Variants in RAI1 observed in about 807,000 individuals in gnomAD.
RAI1 encodes retinoic acid-induced protein 1.
A neutral mutation model predicts 123.8 loss-of-function variants in RAI1; 9 were observed. The observed-to-expected ratio is 0.07, with a 90% CI of 0.04 to 0.13. The LOEUF (loss-of-function observed/expected upper bound fraction) is 0.13. RAI1 is among the 10% of genes least tolerant of loss of function. RAI1 has a pLI of 1.00. For missense variants in RAI1, 2,256 were observed against 2,545.8 expected (o/e 0.89, Z 2.45); for synonymous variants, 1,231 against 1,127.3 (o/e 1.09, Z -1.84).
chr17:17,691,933 C>A (rs1241750188), intron 1 of RAI1, among the ~76,000 whole-genome samples: 1 of 152,172 alleles, frequency 6.6e-6, no homozygotes, highest in Non-Finnish European at 1.5e-5. Context: ...ACAATATTTT[C>A]ATTTCAAACA....
intron 1 of RAI1, among the ~76,000 whole-genome samples, chr17:17,713,399 G>A (rs1263775996): frequency 6.6e-6 from 1 of 152,110 alleles, no homozygotes; most frequent in Non-Finnish European, 1.5e-5. Flanking sequence ...CAGTACTTTG[G>A]GAGGCCGAGG....
chr17:17,719,150 C>A (rs913637304), intron 1 of RAI1, among the ~76,000 whole-genome samples: 1 of 152,216 alleles, frequency 6.6e-6, no homozygotes, highest in East Asian at 1.9e-4. Flanking sequence ...GGCCCCACAT[C>A]TGCCCTCTTC....
chr17:17,809,986 C>A lies in RAI1; in HGVS notation c.*5C>A. 1 of 1,550,416 alleles carries A rather than the reference C, an allele frequency of 6.4e-7. No individual in the cohort carries two copies. The highest frequency in any genetic ancestry group is 1.2e-5 in the South Asian group (1 of 84,144). On this transcript the variant is annotated 3_prime_UTR_variant, in exon 6 of 6. Transcript: ENST00000353383. The surrounding 1 kb of genome is among the most constrained non-coding windows in gnomAD (Gnocchi z 4.9). ...CTTTTGCAGAGGCTGCCGTAGTAAT[C>A]CACCCCAACGGCCGGAGGAGCCGCC...
intron 2 of RAI1, among the ~76,000 whole-genome samples, chr17:17,727,467 G>A (rs574071462): frequency 2.6e-4 from 39 of 152,312 alleles, no homozygotes; most frequent in African/African-American, 8.7e-4. Context: ...CCCTGGTGCC[G>A]CCAGCTGGAG....
Position 17,794,453 on chromosome 17 carries a change from G to A in RAI1, c.1505G>A (p.Ser502Asn). ...PAGTPLSEPP[S>N]STPQSTHAEP... ...GGCACACCGCTGTCAGAGCCGCCGA[G>A]CAGCACGCCACAGTCCACGCATGCG... Residue 502 changes from serine (S) to asparagine (N), a missense_variant, in exon 3 of 6, where the codon AGC (serine) becomes AAC (asparagine). Coordinates refer to ENST00000353383, the MANE Select transcript of RAI1 (RefSeq NM_030665.4). 2 of 1,612,684 alleles carry A rather than the reference G, an allele frequency of 1.2e-6. No homozygotes were observed. Among genetic ancestry groups the A allele is most frequent in the South Asian group, 1.1e-5 (1 of 91,056 alleles).
At chr17:17,788,452 T>C (rs544392438) in intron 2 of RAI1, among the ~76,000 whole-genome samples, 1 of 152,262 alleles carries the variant, frequency 6.6e-6, no homozygotes, top group South Asian at 2.1e-4. Flanking sequence ...GTATTGATTA[T>C]TCATCACCCA....
chr17:17,771,047 T>C (rs549761342), intron 2 of RAI1, among the ~76,000 whole-genome samples: 1 of 152,120 alleles, frequency 6.6e-6, no homozygotes, highest in African/African-American at 2.4e-5. Context: ...AGGGGGATCT[T>C]TGGAGACCCT....
chr17:17,736,805 T>C (rs1455774085), intron 2 of RAI1, among the ~76,000 whole-genome samples: 2 of 152,174 alleles, frequency 1.3e-5, no homozygotes, highest in African/African-American at 2.4e-5. Context: ...ATGGAACATT[T>C]CTGGAAATGG....
Position 17,794,805 on chromosome 17 carries a change from T to C in RAI1, c.1857T>C (p.Gly619=), listed in dbSNP as rs745498920. 3 of 1,612,346 alleles carry C rather than the reference T, an allele frequency of 1.9e-6. No individual in the cohort carries two copies. The highest frequency in any genetic ancestry group is 2.2e-5 in the South Asian group (2 of 91,032). The part of the protein sequence containing the change: ...SEILGLQEAI[G]EKADKAWAEA... ...TCCTGGGGCTGCAGGAAGCCATCGG[T>C]GAGAAGGCCGACAAAGCTTGGGCTG... Residue 619 remains glycine, a synonymous_variant, in exon 3 of 6, where the codon GGT becomes GGC. Coordinates refer to ENST00000353383, the MANE Select transcript of RAI1 (RefSeq NM_030665.4).
intron 1 of RAI1, among the ~76,000 whole-genome samples, chr17:17,700,822 C>G (rs1915197834): frequency 6.6e-6 from 1 of 150,668 alleles, no homozygotes; most frequent in African/African-American, 2.5e-5. Context: ...TGCTCCCCCG[C>G]GCCGTCCCCC....
intron 2 of RAI1, among the ~76,000 whole-genome samples, chr17:17,744,905 C>A (rs1411477282): frequency 6.6e-6 from 1 of 151,540 alleles, no homozygotes; most frequent in Non-Finnish European, 1.5e-5. Flanking sequence ...GAGTCTTTGA[C>A]TCTGTTTGTG....
intron 2 of RAI1, among the ~76,000 whole-genome samples, chr17:17,783,055 G>A (rs1276667977): frequency 1.8e-5 from 2 of 113,114 alleles, no homozygotes; most frequent in Non-Finnish European, 3.6e-5. Flanking sequence ...GAATCAGGGA[G>A]ATGAATGATG....
chr17:17,734,234 C>T (rs993778145), intron 2 of RAI1, among the ~76,000 whole-genome samples: 11 of 152,122 alleles, frequency 7.2e-5, no homozygotes, highest in Non-Finnish European at 1.3e-4. Context: ...CTTTAGCCCC[C>T]AACGACCAAA....
chr17:17,808,391 T>A (rs1228871849), intron 4 of RAI1, among the ~76,000 whole-genome samples: 1 of 98,278 alleles, frequency 1.0e-5, no homozygotes, highest in Admixed American at 1.2e-4. Context: ...ATTTTATTAT[T>A]TTATTTTATT....
intron 2 of RAI1, among the ~76,000 whole-genome samples, chr17:17,731,650 C>G (rs547303178): frequency 3.9e-5 from 6 of 152,236 alleles, no homozygotes; most frequent in African/African-American, 9.6e-5. Flanking sequence ...TCAGTTTCCT[C>G]CCTGAGAACT....
In RAI1 at chr17:17,810,107, T is replaced by C; in HGVS notation, c.*126T>C. 1.5e-6 allele frequency: 2 copies of C among 1,301,462 alleles called. No homozygotes were observed. Among genetic ancestry groups the C allele is most frequent in the Non-Finnish European group, 1.0e-6 (1 of 969,526 alleles). The allele number at this position is 1,301,462 out of a possible 1,614,324, so 80.6% of individuals were successfully genotyped here. On this transcript the variant is annotated 3_prime_UTR_variant, in exon 6 of 6. Transcript: ENST00000353383. This position sits in a 1 kb window ranked among gnomAD's most constrained non-coding sequence, Gnocchi z 4.6. ...CCCAGCGCTGGTCCAGAGCCGATCC[T>C]TGATCCGGGTCCCGGATCGTGGATC...
intron 2 of RAI1, among the ~76,000 whole-genome samples, chr17:17,769,373 C>T (rs2031057747): frequency 6.6e-6 from 1 of 152,234 alleles, no homozygotes; most frequent in African/African-American, 2.4e-5. Flanking sequence ...CTTGGGACAG[C>T]CCGGGTCGGA....
At position 17,810,869 on chromosome 17, in the gene RAI1, G is replaced by A. The variant is rs1292556210; in HGVS notation, c.*888G>A. 2 of 442,682 alleles carry A rather than the reference G, an allele frequency of 4.5e-6. No homozygotes were observed. The highest frequency in any genetic ancestry group is 1.6e-5 in the South Asian group (1 of 63,900). 27.4% of individuals were successfully genotyped at this position (442,682 alleles called of 1,614,324 possible). A position where few individuals can be genotyped will look rare whatever the true frequency, so the allele number is the denominator to read the frequency against. ...CCGCGCCTACTCTGCACGGGAGCAG[G>A]GACAGCGCTAGATTTCGTGTACAAA... On this transcript the variant is annotated 3_prime_UTR_variant, in exon 6 of 6. Transcript: ENST00000353383. The surrounding 1 kb of genome is among the most constrained non-coding windows in gnomAD (Gnocchi z 4.6).
In RAI1 at chr17:17,757,371, G is replaced by A. The variant is rs557528052; in HGVS notation, c.-17+33212G>A. Reference sequence around the variant, plus strand: ...GGCAGTGTGGGCCAAGCCGGGGGGCGGCAGGATGTGAGCACAGAGAGGGCA... The same window carrying A: ...GGCAGTGTGGGCCAAGCCGGGGGGCAGCAGGATGTGAGCACAGAGAGGGCA... On this transcript the variant is annotated intron_variant, in intron 2 of 5. Coordinates refer to ENST00000353383, the MANE Select transcript of RAI1 (RefSeq NM_030665.4). 3.3e-5 allele frequency among the ~76,000 whole-genome samples: 5 copies of A among 152,318 alleles called. No individual in the cohort carries two copies. In the East Asian group the frequency reaches 7.7e-4, roughly 24 times the overall value.
Sources: gnomAD v4.1 joint callset for allele counts (sites outside exome capture counted in the v4.1 genomes callset) on GRCh38, gnomAD v4.1.1 for gene constraint, Gnocchi (gnomAD v3.1) non-coding constraint, MANE v1.5 for transcripts, NCBI Gene and HGNC (gene_info 2026-07-23, HGNC 2026-07-21) for gene names.